The following UGT2B7 variants were observed in gnomAD, a reference collection of about 807,000 sequenced individuals.
The protein encoded by UGT2B7 is UDP glucuronosyltransferase family 2 member B7, also known as UDP-glucuronosyltransferase 2B7.
UGT2B7 carries 51 observed loss-of-function variants against 51.9 expected under a neutral mutation model. The ratio of observed to expected loss-of-function variants is 0.98; its 90% CI spans 0.78 to 1.24. The LOEUF (loss-of-function observed/expected upper bound fraction) is 1.24. Among genes scored for constraint, UGT2B7 ranks in the 50% most tolerant of loss-of-function variants. UGT2B7 has a pLI of 0.00. For missense variants in UGT2B7, 727 were observed against 628.4 expected (o/e 1.16, Z -1.68); for synonymous variants, 225 against 211.6 (o/e 1.06, Z -0.55).
chr4:69,095,066 G>T (rs1375199580), upstream of UGT2B7, among the ~76,000 whole-genome samples: 2 of 152,094 alleles, frequency 1.3e-5, no homozygotes, highest in African/African-American at 4.8e-5. Flanking sequence ...TATTATATTT[G>T]CAGTTACTTA....
Position 69,112,465 on chromosome 4 carries a change from A to C in UGT2B7, c.1319A>C (p.Glu440Ala). ...KRVINDPSYK[E>A]NVMKLSRIQH... Reference sequence around the variant, plus strand: ...TTATTTTTATCTTTCAGATATAAAGAGAATGTTATGAAATTATCAAGAATT... The same window carrying C: ...TTATTTTTATCTTTCAGATATAAAGCGAATGTTATGAAATTATCAAGAATT... Residue 440 changes from glutamate (E) to alanine (A), a missense_variant, in exon 6 of 6, where the codon GAG (glutamate) becomes GCG (alanine). Glu to Ala is a moderately radical substitution (Grantham distance 107). Transcript: ENST00000305231. The C allele has an allele frequency of 6.2e-7, 1 of 1,613,436 alleles. No individual in the cohort carries two copies. The highest frequency in any genetic ancestry group is 8.5e-7 in the Non-Finnish European group (1 of 1,179,726).
chr4:69,094,383 C>T (rs1432408640), upstream of UGT2B7, among the ~76,000 whole-genome samples: 14 of 29,570 alleles, frequency 4.7e-4, 6 homozygotes, highest in African/African-American at 2.6e-3. Flanking sequence ...CTCCTGACCT[C>T]GTGATCCGCC....
intron 1 of UGT2B7, among the ~76,000 whole-genome samples, chr4:69,084,408 A>C (rs780274541): frequency 7.1e-6 from 1 of 141,316 alleles, no homozygotes; most frequent in Non-Finnish European, 1.5e-5. Context: ...TAAAGCATTT[A>C]CTTCTCTTTA....
At chr4:69,100,546 G>C (rs1719387507) in intron 2 of UGT2B7, among the ~76,000 whole-genome samples, 1 of 151,944 alleles carries the variant, frequency 6.6e-6, no homozygotes, top group Non-Finnish European at 1.5e-5. Flanking sequence ...ACTTTCTCAA[G>C]AGACAAAAGC....
intron 1 of UGT2B7, chr4:69,069,850 C>G (rs1446782174): frequency 6.6e-6 from 1 of 151,978 alleles, no homozygotes; most frequent in Non-Finnish European, 1.5e-5. Flanking sequence ...GCTTGATTAT[C>G]AAAAGTTGTT....
At chr4:69,071,692 TATA>T (rs1268807377) in intron 1 of UGT2B7, among the ~76,000 whole-genome samples, 1 of 152,084 alleles carries the variant, frequency 6.6e-6, no homozygotes, top group South Asian at 2.1e-4. Flanking sequence ...AATGAATTAT[TATA>T]ATGTCTAGAA....
intron 1 of UGT2B7, among the ~76,000 whole-genome samples, chr4:69,077,434 T>C (rs1049259601): frequency 1.6e-4 from 25 of 152,210 alleles, no homozygotes; most frequent in Admixed American, 1.4e-3. Context: ...TGTTTTTCCA[T>C]TTATTTGTGT....
chr4:69,086,729 C>T (rs1718968566), intron 1 of UGT2B7, among the ~76,000 whole-genome samples: 1 of 151,754 alleles, frequency 6.6e-6, no homozygotes. Flanking sequence ...ATACAATGGC[C>T]AACTTCTTAT....
chr4:69,102,732 A>G, intron 2 of UGT2B7, 75 bp from the exon 3 acceptor site: 1 of 1,560,318 alleles, frequency 6.4e-7, no homozygotes, highest in Non-Finnish European at 8.6e-7. Context: ...TCTCTTTAGT[A>G]ATTTGCACCA....
chr4:69,065,653 G>T (rs1718465617), intron 1 of UGT2B7, among the ~76,000 whole-genome samples: 1 of 152,086 alleles, frequency 6.6e-6, no homozygotes, highest in Non-Finnish European at 1.5e-5. Context: ...GTAGATTAGT[G>T]TATTTCTCAT....
At chr4:69,107,329 A>T in intron 4 of UGT2B7, 67 bp downstream of exon 4, 1 of 1,449,952 alleles carries the variant, frequency 6.9e-7, no homozygotes, top group Non-Finnish European at 9.4e-7. Context: ...ATAGTTCATC[A>T]TGAAACAAGC....
At chr4:69,109,792 C>T (rs1209309862) in intron 5 of UGT2B7, among the ~76,000 whole-genome samples, 2 of 151,860 alleles carry the variant, frequency 1.3e-5, no homozygotes, top group Non-Finnish European at 2.9e-5. Context: ...CTTGTGGAGT[C>T]CAGCTACCAT....
At chr4:69,100,727 T>C (rs1719391884) in intron 2 of UGT2B7, among the ~76,000 whole-genome samples, 1 of 152,102 alleles carries the variant, frequency 6.6e-6, no homozygotes, top group Non-Finnish European at 1.5e-5. Context: ...TTACTACTAC[T>C]AGCTGTTGTT....
chr4:69,090,958 T>A (rs2109879383), intron 2 of UGT2B7, among the ~76,000 whole-genome samples: 1 of 152,314 alleles, frequency 6.6e-6, no homozygotes, highest in South Asian at 2.1e-4. Context: ...ATTAACTGTC[T>A]TTTTTAATAG....
intron 1 of UGT2B7, among the ~76,000 whole-genome samples, chr4:69,064,112 A>AGAGAG (rs1718433031): frequency 1.2e-5 from 1 of 86,802 alleles, no homozygotes; most frequent in African/African-American, 6.1e-5. Context: ...GAAAGAAAGA[A>AGAGAG]AAAGAAAGAA....
At chr4:69,059,704 T>C (rs899240968) in intron 1 of UGT2B7, among the ~76,000 whole-genome samples, 11 of 152,104 alleles carry the variant, frequency 7.2e-5, no homozygotes, top group Non-Finnish European at 1.5e-4. Context: ...TCCGCAAATA[T>C]TTAGAGTCTT....
At chr4:69,061,743 C>G (rs902753356) in intron 1 of UGT2B7, among the ~76,000 whole-genome samples, 3 of 152,176 alleles carry the variant, frequency 2.0e-5, no homozygotes, top group African/African-American at 7.2e-5. Flanking sequence ...TTGTAAACAG[C>G]GTTTAACTTG....
At chr4:69,070,878 GT>G (rs1323556808) in intron 1 of UGT2B7, among the ~76,000 whole-genome samples, 1 of 152,060 alleles carries the variant, frequency 6.6e-6, no homozygotes, top group East Asian at 1.9e-4. Context: ...AGTTCTTCAT[GT>G]TAAATAGATG....
At chr4:69,085,728 T>A (rs2109876361) in intron 1 of UGT2B7, among the ~76,000 whole-genome samples, 1 of 152,096 alleles carries the variant, frequency 6.6e-6, no homozygotes, top group East Asian at 1.9e-4. Flanking sequence ...TCCCTGTTCA[T>A]GTTTCTATTT....
Sources: allele counts gnomAD v4.1 joint callset (sites outside exome capture counted in the v4.1 genomes callset), GRCh38; gene constraint gnomAD v4.1.1; transcripts MANE v1.5; gene names NCBI Gene and HGNC (gene_info 2026-07-23, HGNC 2026-07-21).